VPS13C: variants seen among roughly 807,000 people sequenced by gnomAD.
VPS13C encodes the protein vacuolar protein sorting 13 homolog C.
Under a neutral mutation model 456.8 loss-of-function variants are expected in VPS13C, and 358 were observed. The ratio of observed to expected loss-of-function variants is 0.78; its 90% CI spans 0.72 to 0.86. The LOEUF (loss-of-function observed/expected upper bound fraction) is 0.86, where lower values mean the gene tolerates loss of function less well. Ranked by LOEUF, VPS13C falls within the 40% of genes least tolerant of loss-of-function variation. The probability of loss-of-function intolerance (pLI) is 0.00; values close to 1 mark genes in which losing one functional copy is unlikely to be tolerated. For synonymous variants in VPS13C, 1,578 were observed against 1,486.7 expected, an observed-to-expected ratio of 1.06 and a Z score of -1.41; for missense variants, 4,818 against 4,385.4, an observed-to-expected ratio of 1.10 and a Z score of -2.79.
intron 9 of VPS13C, among the ~76,000 whole-genome samples, chr15:62,019,812 T>C (rs1432540034): frequency 6.6e-6 from 1 of 152,020 alleles, no homozygotes; most frequent in Admixed American, 6.6e-5. Flanking sequence ...GTCTGCTTGG[T>C]GCAGAGCTGA....
intron 40 of VPS13C, 72 bp from the exon 41 acceptor site, chr15:61,950,489 CT>C: frequency 8.8e-7 from 1 of 1,141,626 alleles, no homozygotes; most frequent in Non-Finnish European, 1.3e-6. Context: ...TATACATATT[CT>C]TTACTTTTCT....
chr15:61,954,602 C>A, intron 37 of VPS13C, 48 bp from the exon 38 acceptor site: 1 of 1,532,708 alleles, frequency 6.5e-7, no homozygotes, highest in Admixed American at 2.2e-5. Flanking sequence ...AAATTTCTTC[C>A]ACAAATATTT....
At chr15:62,049,583 T>G (rs1037884519) in intron 1 of VPS13C, among the ~76,000 whole-genome samples, 6 of 152,210 alleles carry the variant, frequency 3.9e-5, no homozygotes, top group Non-Finnish European at 8.8e-5. Flanking sequence ...CTTGGCAACA[T>G]GGGCTCTTTT....
intron 42 of VPS13C, among the ~76,000 whole-genome samples, chr15:61,948,913 T>C (rs1190250928): frequency 6.6e-6 from 1 of 152,202 alleles, no homozygotes; most frequent in African/African-American, 2.4e-5. Flanking sequence ...TCATACCTAA[T>C]TTTTCATAAC....
At chr15:61,930,228 A>T (rs2140219771) in intron 50 of VPS13C, among the ~76,000 whole-genome samples, 1 of 152,342 alleles carries the variant, frequency 6.6e-6, no homozygotes, top group Middle Eastern at 3.4e-3. Context: ...TCAAATCATC[A>T]AGTGTTTATC....
intron 1 of VPS13C, among the ~76,000 whole-genome samples, chr15:62,056,861 C>G (rs1567157818): frequency 6.6e-6 from 1 of 152,234 alleles, no homozygotes; most frequent in Non-Finnish European, 1.5e-5. Flanking sequence ...TCTGCCTCGG[C>G]TGCCAGGCAG....
In VPS13C at chr15:61,927,196, A is replaced by T; in HGVS notation, c.6411T>A (p.Ser2137=). The change falls in exon 52 of 85, where the codon TCT becomes TCA. Residue 2137 remains serine (S), a synonymous_variant. Coordinates refer to ENST00000644861, the MANE Select transcript of VPS13C (RefSeq NM_020821.3). ...TCTGTTCGAGTTTGGATGTTGACAG[A>T]GAAAGGTTGCACTGAAACGAGGCTG... ...ALTASFQCNL[S]LSTSKLEQMM... 1 of 1,614,178 alleles carries T rather than the reference A, an allele frequency of 6.2e-7. No homozygotes were observed. The highest frequency in any genetic ancestry group is 8.5e-7 in the Non-Finnish European group (1 of 1,180,026).
At chr15:61,900,844 G>A (rs1445352928) in intron 66 of VPS13C, among the ~76,000 whole-genome samples, 8 of 151,432 alleles carry the variant, frequency 5.3e-5, no homozygotes, top group Non-Finnish European at 8.9e-5. Flanking sequence ...GCATCACACT[G>A]CCTGACTTCA....
chr15:62,028,554 C>A, intron 5 of VPS13C, 134 bp from the exon 6 acceptor site: 1 of 790,506 alleles, frequency 1.3e-6, no homozygotes, highest in South Asian at 2.0e-5. Flanking sequence ...AATTTGGTGA[C>A]ACCAAAACTA....
chr15:61,917,737 T>G, intron 59 of VPS13C, 102 bp from the exon 60 acceptor site: 1 of 1,310,964 alleles, frequency 7.6e-7, no homozygotes, highest in Non-Finnish European at 1.0e-6. Flanking sequence ...GGTGCTATTA[T>G]TCCTGTTTTT....
intron 3 of VPS13C, among the ~76,000 whole-genome samples, chr15:62,039,027 T>A (rs1428692312): frequency 1.3e-5 from 2 of 152,104 alleles, no homozygotes; most frequent in African/African-American, 4.8e-5. Flanking sequence ...TTAACCTCTA[T>A]GGAAAACAGT....
intron 63 of VPS13C, among the ~76,000 whole-genome samples, chr15:61,911,058 C>A (rs1451342768): frequency 6.6e-6 from 1 of 152,144 alleles, no homozygotes; most frequent in Non-Finnish European, 1.5e-5. Flanking sequence ...CCTTTTGAGT[C>A]TTTTGCCAAA....
rs532496756 is a variant in VPS13C at position 62,035,936 on chromosome 15, G to A, written c.188-884C>T. 2.0e-5 allele frequency among the ~76,000 whole-genome samples: 3 copies of A among 151,964 alleles called. No homozygotes were observed. In the South Asian group the frequency reaches 6.2e-4, roughly 31 times the overall value. On this transcript the variant is annotated intron_variant, in intron 3 of 84. Coordinates refer to ENST00000644861, the MANE Select transcript of VPS13C (RefSeq NM_020821.3). ...AGACAAGAGAAGACCAAAAGGGCAT[G>A]CTCTCAGCTAAATTTTGAAATAGGC...
intron 9 of VPS13C, among the ~76,000 whole-genome samples, chr15:62,014,535 G>A (rs1734349954): frequency 6.6e-6 from 1 of 152,036 alleles, no homozygotes; most frequent in Non-Finnish European, 1.5e-5. Context: ...CCAGATCAGA[G>A]GTGGGAGGAT....
intron 78 of VPS13C, 46 bp downstream of exon 78, chr15:61,873,200 T>C (rs751295392): frequency 6.2e-7 from 1 of 1,602,192 alleles, no homozygotes; most frequent in South Asian, 1.1e-5. Context: ...TAGAATACAC[T>C]TTTTTTTAAG....
chr15:61,929,638 A>C lies in VPS13C; in HGVS notation c.6149T>G (p.Val2050Gly), dbSNP rs746184603. The change falls in exon 51 of 85, where the codon GTA becomes GGA. Residue 2050 changes from valine (V) to glycine (G), a missense_variant. Coordinates refer to ENST00000644861, the MANE Select transcript of VPS13C (RefSeq NM_020821.3). The part of the protein sequence containing the change: ...QIDAVLDKLY[V>G]CASVEFLMTV... ...CATCAGAAATTCCACACTGGCACAT[A>C]CATACAGCTTGTCAAGAACAGCATC... is the stretch of plus-strand genomic sequence containing the variant. The C allele has an allele frequency of 6.2e-7, 1 of 1,614,150 alleles. No individual in the cohort carries two copies. Among genetic ancestry groups the C allele is most frequent in the Non-Finnish European group, 8.5e-7 (1 of 1,180,014 alleles).
chr15:61,975,238 A>G (rs796913488), intron 24 of VPS13C, among the ~76,000 whole-genome samples: 20 of 152,228 alleles, frequency 1.3e-4, no homozygotes, highest in African/African-American at 4.8e-4. Context: ...TGAAAAGCAA[A>G]CGAAATCCAA....
At chr15:61,945,426 A>C (rs1002329676) in intron 45 of VPS13C, among the ~76,000 whole-genome samples, 1 of 152,268 alleles carries the variant, frequency 6.6e-6, no homozygotes. Context: ...AATATATCTC[A>C]TTAAACAAGT....
intron 61 of VPS13C, 52 bp downstream of exon 61, chr15:61,915,581 T>C: frequency 1.3e-6 from 2 of 1,500,522 alleles, no homozygotes; most frequent in Non-Finnish European, 1.8e-6. Context: ...ACTCCCAAGT[T>C]TCTAGATTAG....
Sources: allele counts gnomAD v4.1 joint callset (sites outside exome capture counted in the v4.1 genomes callset), GRCh38; gene constraint gnomAD v4.1.1; transcripts MANE v1.5; gene names NCBI Gene and HGNC (gene_info 2026-07-23, HGNC 2026-07-21).